The following LRFN5 variants were observed in gnomAD, a reference collection of about 807,000 sequenced individuals.
LRFN5 encodes the protein leucine rich repeat and fibronectin type III domain containing 5, also known as leucine-rich repeat and fibronectin type-III domain-containing protein 5.
LRFN5 carries 24 observed loss-of-function variants against 45.6 expected under a neutral mutation model. The ratio of observed to expected loss-of-function variants is 0.53; its 90% CI spans 0.38 to 0.74. The LOEUF is 0.74. Among genes scored for constraint, LRFN5 ranks in the 30% least tolerant of loss-of-function variants. LRFN5 has a pLI of 0.00. For synonymous variants in LRFN5, 340 were observed against 313.8 expected (o/e 1.08, Z -0.88); for missense variants, 776 against 861.5 (o/e 0.90, Z 1.24).
intron 2 of LRFN5, among the ~76,000 whole-genome samples, chr14:41,879,275 A>AC (rs201768570): frequency 0.024 from 3,696 of 152,166 alleles, 157 homozygotes; most frequent in African/African-American, 0.084. Flanking sequence ...TTGATTAACT[A>AC]CAGATAAAGT....
At chr14:41,728,763 T>C (rs1884043959) in intron 1 of LRFN5, among the ~76,000 whole-genome samples, 1 of 152,146 alleles carries the variant, frequency 6.6e-6, no homozygotes, top group South Asian at 2.1e-4. Context: ...GTTCTAATGT[T>C]CTTAACTCAG....
intron 2 of LRFN5, among the ~76,000 whole-genome samples, chr14:41,843,086 CTT>C (rs539151256): frequency 9.3e-5 from 11 of 118,270 alleles, no homozygotes; most frequent in African/African-American, 1.2e-4. Context: ...TTTGTCTTTT[CTT>C]TTTTTTTTTT....
chr14:41,764,095 T>G (rs532246776), intron 1 of LRFN5, among the ~76,000 whole-genome samples: 1 of 152,322 alleles, frequency 6.6e-6, no homozygotes, highest in Non-Finnish European at 1.5e-5. Context: ...ATTTTCCCTC[T>G]TTGGTCATTG....
intron 2 of LRFN5, among the ~76,000 whole-genome samples, chr14:41,803,946 C>G (rs955827105): frequency 6.6e-6 from 1 of 152,170 alleles, no homozygotes; most frequent in Non-Finnish European, 1.5e-5. Context: ...TCACTGCAAC[C>G]TCTGCCTCCC....
intron 2 of LRFN5, among the ~76,000 whole-genome samples, chr14:41,802,330 A>G (rs770078773): frequency 3.3e-5 from 5 of 152,138 alleles, no homozygotes; most frequent in Non-Finnish European, 2.9e-5. Flanking sequence ...AAGAGAAAAC[A>G]TCAGAGGCAG....
intron 2 of LRFN5, among the ~76,000 whole-genome samples, chr14:41,862,884 A>G (rs563613889): frequency 0.021 from 1,207 of 57,744 alleles, 24 homozygotes; most frequent in African/African-American, 0.085. Context: ...TTTTTTTTTG[A>G]TACGGAGTCT....
At chr14:41,857,167 A>G (rs768769476) in intron 2 of LRFN5, among the ~76,000 whole-genome samples, 3 of 152,090 alleles carry the variant, frequency 2.0e-5, no homozygotes, top group Non-Finnish European at 4.4e-5. Context: ...TTATTTTCAC[A>G]ATTAATTTAA....
At chr14:41,612,121 G>A (rs1206361843) in intron 1 of LRFN5, among the ~76,000 whole-genome samples, 2 of 152,132 alleles carry the variant, frequency 1.3e-5, no homozygotes, top group African/African-American at 4.8e-5. Flanking sequence ...TAGTTTTGCT[G>A]AGTTTTCTTG....
chr14:41,675,000 C>A (rs1224996318), intron 1 of LRFN5, among the ~76,000 whole-genome samples: 1 of 143,476 alleles, frequency 7.0e-6, no homozygotes, highest in African/African-American at 2.6e-5. Context: ...ACATCTCAGA[C>A]GATGGGCGGC....
intron 2 of LRFN5, among the ~76,000 whole-genome samples, chr14:41,872,119 A>T (rs2139120210): frequency 6.6e-6 from 1 of 152,298 alleles, no homozygotes; most frequent in East Asian, 1.9e-4. Context: ...TGTAGGCTAA[A>T]TGTGTTTATT....
chr14:41,699,791 G>T (rs566384167), intron 1 of LRFN5: 1 of 152,182 alleles, frequency 6.6e-6, no homozygotes, highest in East Asian at 1.9e-4. Context: ...CAGAACATTT[G>T]AAAGTGTAGG....
chr14:41,658,082 A>G (rs1469401530), intron 1 of LRFN5, among the ~76,000 whole-genome samples: 3 of 152,052 alleles, frequency 2.0e-5, no homozygotes, highest in African/African-American at 7.2e-5. Context: ...TAAATCTTAT[A>G]GCTAAAATAT....
At chr14:41,728,161 A>G (rs1884014734) in intron 1 of LRFN5, among the ~76,000 whole-genome samples, 1 of 152,184 alleles carries the variant, frequency 6.6e-6, no homozygotes, top group Admixed American at 6.6e-5. Flanking sequence ...ATCTTCCATT[A>G]GTCATATTTA....
intron 1 of LRFN5, among the ~76,000 whole-genome samples, chr14:41,757,508 G>T (rs995385194): frequency 6.6e-6 from 1 of 152,202 alleles, no homozygotes; most frequent in African/African-American, 2.4e-5. Flanking sequence ...ATCTCAGACT[G>T]CTGTGCTAGC....
chr14:41,764,176 A>G (rs1394718981), intron 1 of LRFN5, among the ~76,000 whole-genome samples: 1 of 152,140 alleles, frequency 6.6e-6, no homozygotes, highest in African/African-American at 2.4e-5. Context: ...GATTTTTTTG[A>G]AAATGTCACT....
At chr14:41,628,656 T>C (rs1888427481) in intron 1 of LRFN5, among the ~76,000 whole-genome samples, 1 of 152,054 alleles carries the variant, frequency 6.6e-6, no homozygotes, top group Non-Finnish European at 1.5e-5. Context: ...AGAGAGGTGA[T>C]TGTTGTCTTG....
chr14:41,723,231 T>C (rs1163852109), intron 1 of LRFN5, among the ~76,000 whole-genome samples: 1 of 152,168 alleles, frequency 6.6e-6, no homozygotes. Context: ...AGGGCCTCCC[T>C]GTACCAGGAT....
chr14:41,619,271 A>T (rs1222038580), intron 1 of LRFN5, among the ~76,000 whole-genome samples: 1 of 152,066 alleles, frequency 6.6e-6, no homozygotes, highest in African/African-American at 2.4e-5. Flanking sequence ...TTTAGTAAAT[A>T]ATCTCATTTA....
At chr14:41,868,869 T>G (rs554430619) in intron 2 of LRFN5, among the ~76,000 whole-genome samples, 100 of 152,306 alleles carry the variant, frequency 6.6e-4, no homozygotes, top group African/African-American at 2.3e-3. Flanking sequence ...GTGTAGAAAT[T>G]GAACATGCCA....
Sources: gnomAD v4.1 joint callset for allele counts (sites outside exome capture counted in the v4.1 genomes callset) on GRCh38, gnomAD v4.1.1 for gene constraint, MANE v1.5 for transcripts, NCBI Gene and HGNC (gene_info 2026-07-23, HGNC 2026-07-21) for gene names.